FKBP9: variants seen among roughly 807,000 people sequenced by gnomAD.
FKBP9 encodes peptidyl-prolyl cis-trans isomerase FKBP9.
A neutral mutation model predicts 55.6 loss-of-function variants in FKBP9; 27 were observed. The ratio of observed to expected loss-of-function variants is 0.49; its 90% CI spans 0.36 to 0.67. FKBP9 has a LOEUF of 0.67. Among genes scored for constraint, FKBP9 ranks in the 30% least tolerant of loss-of-function variants. The probability of loss-of-function intolerance (pLI) is 0.00; values close to 1 mark genes in which losing one functional copy is unlikely to be tolerated. For synonymous variants in FKBP9, 267 were observed against 296.5 expected (o/e 0.90, Z 1.02); for missense variants, 539 against 742.8 (o/e 0.73, Z 3.19).
At chr7:32,979,692 G>A in intron 4 of FKBP9, 2 of 809,412 alleles carry the variant, frequency 2.5e-6, no homozygotes, top group Non-Finnish European at 4.2e-6. Context: ...CTAGTGTCCT[G>A]TAATCTCTTC....
At chr7:32,975,413 T>C in intron 3 of FKBP9, 42 bp downstream of exon 3, 3 of 1,519,920 alleles carry the variant, frequency 2.0e-6, no homozygotes, top group Non-Finnish European at 2.7e-6. Context: ...AAATGTCCCA[T>C]GCATAGTTCT....
At chr7:32,990,158 T>C (rs529547706) in intron 6 of FKBP9, among the ~76,000 whole-genome samples, 2 of 152,308 alleles carry the variant, frequency 1.3e-5, no homozygotes, top group African/African-American at 4.8e-5. Flanking sequence ...AAAGGGACTT[T>C]ACAGATTTGA....
chr7:32,988,784 T>A, intron 6 of FKBP9, 132 bp downstream of exon 6: 1 of 850,328 alleles, frequency 1.2e-6, no homozygotes, highest in Non-Finnish European at 1.8e-6. Flanking sequence ...CTGGAAAGTG[T>A]AGTGTGTGAT....
intron 6 of FKBP9, among the ~76,000 whole-genome samples, chr7:32,991,397 C>G (rs1484025250): frequency 6.6e-6 from 1 of 152,108 alleles, no homozygotes; most frequent in East Asian, 1.9e-4. Context: ...CTGCCTCTGT[C>G]CTCTCCTGAT....
intron 5 of FKBP9, among the ~76,000 whole-genome samples, chr7:32,982,439 A>G (rs1193605150): frequency 6.6e-6 from 1 of 152,096 alleles, no homozygotes; most frequent in Non-Finnish European, 1.5e-5. Context: ...GTTCTCCTTG[A>G]TTTTTGTTAC....
At chr7:32,997,151 C>A (rs1021234518) in intron 7 of FKBP9, among the ~76,000 whole-genome samples, 2 of 151,766 alleles carry the variant, frequency 1.3e-5, no homozygotes, top group African/African-American at 4.8e-5. Flanking sequence ...CTCACTGCAA[C>A]CTCTGCCTTC....
intron 7 of FKBP9, among the ~76,000 whole-genome samples, chr7:32,998,051 G>A (rs202042415): frequency 6.6e-6 from 1 of 152,180 alleles, no homozygotes; most frequent in East Asian, 1.9e-4. Flanking sequence ...GAAAAAATAT[G>A]CATTTTAGAA....
chr7:32,974,361 AT>A (rs5883378), intron 1 of FKBP9, among the ~76,000 whole-genome samples: 105,326 of 145,340 alleles, frequency 0.72, 38,011 homozygotes, highest in South Asian at 0.78. Context: ...AGTTTAACAC[AT>A]TTTTTTTTTT....
rs199689075 is a variant in FKBP9 at position 32,980,458 on chromosome 7, A to C, written c.798A>C (p.Val266=). Residue 266 remains valine (V), a synonymous_variant, in exon 5 of 10, where the codon GTA becomes GTC. Coordinates refer to ENST00000242209, the MANE Select transcript of FKBP9 (RefSeq NM_007270.5). The part of the protein sequence containing the change: ...PKDSISIENK[V]VPENCERISQ... ...ACAGCATTTCCATTGAGAACAAGGT[A>C]GTACCTGAAAACTGTGAGCGGATAA... 157 of 1,613,802 alleles carry C rather than the reference A, an allele frequency of 9.7e-5. No individual in the cohort carries two copies. The highest frequency in any genetic ancestry group is 1.2e-4 in the Non-Finnish European group (139 of 1,179,872).
chr7:32,987,660 G>T (rs1784604133), intron 5 of FKBP9, among the ~76,000 whole-genome samples: 1 of 152,070 alleles, frequency 6.6e-6, no homozygotes, highest in Non-Finnish European at 1.5e-5. Flanking sequence ...TCAAGACAGG[G>T]TCTCATTCTG....
intron 1 of FKBP9, among the ~76,000 whole-genome samples, chr7:32,969,634 G>T (rs1250162645): frequency 1.3e-5 from 2 of 152,162 alleles, no homozygotes; most frequent in Non-Finnish European, 2.9e-5. Flanking sequence ...TTCATAATAT[G>T]TTTCAAAATC....
chr7:32,966,571 T>A (rs1021182898), intron 1 of FKBP9, among the ~76,000 whole-genome samples: 1 of 152,260 alleles, frequency 6.6e-6, no homozygotes, highest in Middle Eastern at 3.2e-3. Context: ...ACTCTTTGTC[T>A]TCTGGCTTTG....
In FKBP9 at chr7:32,966,646, G is replaced by C. The variant is rs147412333; in HGVS notation, c.222-7971G>C. ...TGCATCACTGGAAAGAAATACCCAAGGCTGGGTAATTTATAAGAAAAGAGG... is the reference window on the plus strand; with the variant it reads ...TGCATCACTGGAAAGAAATACCCAACGCTGGGTAATTTATAAGAAAAGAGG... On this transcript the variant is annotated intron_variant, in intron 1 of 9. Transcript: ENST00000242209. 3.9e-3 allele frequency among the ~76,000 whole-genome samples: 599 copies of C among 152,260 alleles called. 1 individual carries two copies. Among genetic ancestry groups the C allele is most frequent in the African/African-American group, 0.013 (532 of 41,548 alleles).
At position 32,990,337 on chromosome 7, in the gene FKBP9, G is replaced by T. The variant is rs190163401; in HGVS notation, c.1039+1685G>T. ...CCTGTCAGGGAATGAAGGTGGCCCC[G>T]AGAGGCTGGAAAAGATGGAAACACA... On this transcript the variant is annotated intron_variant, in intron 6 of 9. Coordinates refer to ENST00000242209, the MANE Select transcript of FKBP9 (RefSeq NM_007270.5). 6.3e-3 allele frequency among the ~76,000 whole-genome samples: 962 copies of T among 152,270 alleles called. 14 individuals carry two copies. Among genetic ancestry groups the T allele is most frequent in the African/African-American group, 0.022 (926 of 41,556 alleles).
intron 7 of FKBP9, among the ~76,000 whole-genome samples, chr7:32,997,612 G>A (rs1449825932): frequency 6.6e-6 from 1 of 152,198 alleles, no homozygotes; most frequent in Non-Finnish European, 1.5e-5. Flanking sequence ...GGCAGATCAC[G>A]AGGTCAAGAG....
At chr7:32,966,751 T>C (rs561173596) in intron 1 of FKBP9, among the ~76,000 whole-genome samples, 107 of 151,932 alleles carry the variant, frequency 7.0e-4, no homozygotes, top group Admixed American at 1.4e-3. Context: ...CCTCAGGAGA[T>C]TTATAGTCAT....
intron 9 of FKBP9, chr7:33,003,078 A>G: frequency 2.0e-6 from 1 of 496,102 alleles, no homozygotes; most frequent in South Asian, 2.7e-5. Context: ...ATTCCAGGGC[A>G]TACAGTCTGC....
chr7:32,974,210 C>A (rs6943882), intron 1 of FKBP9, among the ~76,000 whole-genome samples: 108,420 of 150,136 alleles, frequency 0.72, 39,219 homozygotes, highest in South Asian at 0.79. Flanking sequence ...GGGGGGGCCT[C>A]ACTTTGTTGC....
At chr7:32,959,085 T>G (rs1783963517) in intron 1 of FKBP9, among the ~76,000 whole-genome samples, 1 of 152,104 alleles carries the variant, frequency 6.6e-6, no homozygotes, top group Non-Finnish European at 1.5e-5. Context: ...ATGGTCATTC[T>G]TACTACCATT....
Sources: allele counts gnomAD v4.1 joint callset (sites outside exome capture counted in the v4.1 genomes callset), GRCh38; gene constraint gnomAD v4.1.1; transcripts MANE v1.5; gene names NCBI Gene and HGNC (gene_info 2026-07-23, HGNC 2026-07-21).